RBMS3: variants seen among roughly 807,000 people sequenced by gnomAD.
RBMS3 encodes RNA-binding motif, single-stranded-interacting protein 3.
In RBMS3, 27 loss-of-function variants were observed where a neutral mutation model predicts 66.8. The ratio of observed to expected loss-of-function variants is 0.40; its 90% confidence interval spans 0.30 to 0.56. The LOEUF (loss-of-function observed/expected upper bound fraction) is 0.56. Among genes scored for constraint, RBMS3 ranks in the 20% least tolerant of loss-of-function variants. The pLI is 0.40. For synonymous variants in RBMS3, 188 were observed against 183.0 expected, an observed-to-expected ratio of 1.03 and a Z score of -0.22; for missense variants, 513 against 549.5, an observed-to-expected ratio of 0.93 and a Z score of 0.66.
intron 4 of RBMS3, among the ~76,000 whole-genome samples, chr3:29,640,081 A>G (rs565261530): frequency 7.9e-5 from 12 of 151,958 alleles, no homozygotes; most frequent in African/African-American, 2.6e-4. Context: ...ACTATATTCT[A>G]CCTACAGGTT....
intron 10 of RBMS3, among the ~76,000 whole-genome samples, chr3:29,911,685 G>T (rs1559792888): frequency 6.6e-6 from 1 of 151,988 alleles, no homozygotes; most frequent in East Asian, 1.9e-4. Context: ...AATGCGTAGT[G>T]TCTCATCATT....
At chr3:29,797,331 A>T (rs1165028820) in intron 6 of RBMS3, among the ~76,000 whole-genome samples, 1 of 152,092 alleles carries the variant, frequency 6.6e-6, no homozygotes, top group Non-Finnish European at 1.5e-5. Flanking sequence ...CTAGCTTCCA[A>T]CTTTTTTTCT....
chr3:29,570,134 C>T (rs2046896788), intron 3 of RBMS3, among the ~76,000 whole-genome samples: 2 of 151,886 alleles, frequency 1.3e-5, no homozygotes, highest in Non-Finnish European at 1.5e-5. Flanking sequence ...AATAAAATTA[C>T]ATAACTTATA....
intron 6 of RBMS3, 147 bp from the exon 7 acceptor site, chr3:29,868,711 G>A: frequency 3.0e-6 from 2 of 673,090 alleles, no homozygotes; most frequent in Admixed American, 3.2e-5. Flanking sequence ...GGCCAACAGA[G>A]CTGAGACTAA....
At chr3:29,634,927 G>A (rs2049420945) in intron 4 of RBMS3, among the ~76,000 whole-genome samples, 1 of 151,858 alleles carries the variant, frequency 6.6e-6, no homozygotes, top group Admixed American at 6.6e-5. Context: ...TCCCAGGCCT[G>A]GAGTTCCACA....
intron 3 of RBMS3, among the ~76,000 whole-genome samples, chr3:29,550,543 G>T (rs2046146598): frequency 6.6e-6 from 1 of 151,902 alleles, no homozygotes; most frequent in African/African-American, 2.4e-5. Context: ...AGCGTATAGT[G>T]TATAATATTT....
At chr3:29,302,289 G>A (rs2033728469) in intron 1 of RBMS3, among the ~76,000 whole-genome samples, 1 of 152,060 alleles carries the variant, frequency 6.6e-6, no homozygotes, top group South Asian at 2.1e-4. Context: ...TGGGATTACA[G>A]GCGTGAGCTA....
chr3:29,544,229 T>C (rs2045866407), intron 3 of RBMS3, among the ~76,000 whole-genome samples: 3 of 152,170 alleles, frequency 2.0e-5, no homozygotes, highest in African/African-American at 7.2e-5. Context: ...TAGAGTTTAA[T>C]ATCACACATG....
chr3:29,509,934 T>A (rs1358751250), intron 3 of RBMS3, among the ~76,000 whole-genome samples: 1 of 152,232 alleles, frequency 6.6e-6, no homozygotes, highest in East Asian at 1.9e-4. Flanking sequence ...AAGAATAAAA[T>A]GATGAATGGC....
intron 1 of RBMS3, among the ~76,000 whole-genome samples, chr3:29,389,626 GGT>G (rs1263898441): frequency 6.6e-6 from 1 of 152,152 alleles, no homozygotes; most frequent in African/African-American, 2.4e-5. Flanking sequence ...TGAGTTGGAT[GGT>G]GATAAATATG....
intron 1 of RBMS3, among the ~76,000 whole-genome samples, chr3:29,328,848 C>T (rs189078397): frequency 6.6e-6 from 1 of 152,216 alleles, no homozygotes; most frequent in African/African-American, 2.4e-5. Flanking sequence ...AAGCTGAGGG[C>T]AGTCTTCAAC....
chr3:29,308,342 G>C (rs1185064514), intron 1 of RBMS3, among the ~76,000 whole-genome samples: 1 of 151,804 alleles, frequency 6.6e-6, no homozygotes, highest in Non-Finnish European at 1.5e-5. Context: ...CACTCTGTTA[G>C]GTTGAAAGTG....
chr3:29,281,735 T>C lies in RBMS3; in HGVS notation c.54T>C (p.Tyr18=). The change falls in exon 1 of 15, where the codon TAT becomes TAC. Residue 18 remains tyrosine, a synonymous_variant. Coordinates refer to ENST00000383767, the MANE Select transcript of RBMS3 (RefSeq NM_001003793.3). ...PQMYPQYTYY[Y]PHYLQTKQSY... ...TGTACCCCCAGTACACTTACTACTA[T>C]CCTCATTATCTCCAAACCAAGGTAT... 1 of 1,613,202 alleles carries C rather than the reference T, an allele frequency of 6.2e-7. No homozygotes were observed. Among genetic ancestry groups the C allele is most frequent in the Non-Finnish European group, 8.5e-7 (1 of 1,179,512 alleles).
chr3:29,600,626 T>C lies in RBMS3; in HGVS notation c.399+13421T>C, dbSNP rs78071876. Among the ~76,000 whole-genome samples, 1,252 of 152,210 alleles carry C rather than the reference T, an allele frequency of 8.2e-3. 20 individuals are homozygous for C. Among genetic ancestry groups the C allele is most frequent in the African/African-American group, 0.029 (1,195 of 41,550 alleles). ...ACACAGATCACACTCAGTTGTAGCA[T>C]GAGTTGTAAATGGTAAAAATTTGAG... On this transcript the variant is annotated intron_variant, in intron 4 of 14. Transcript: ENST00000383767.
intron 5 of RBMS3, among the ~76,000 whole-genome samples, chr3:29,756,828 A>G (rs918042387): frequency 2.1e-4 from 32 of 152,260 alleles, no homozygotes; most frequent in African/African-American, 7.5e-4. Flanking sequence ...ACTCAAATGA[A>G]AGAAATGCAT....
intron 12 of RBMS3, among the ~76,000 whole-genome samples, chr3:29,961,569 A>T (rs757367329): frequency 1.4e-4 from 22 of 152,136 alleles, no homozygotes; most frequent in Non-Finnish European, 2.4e-4. Flanking sequence ...AAAAAGGTTT[A>T]ATTCACTCAC....
At chr3:29,473,544 G>A (rs78330725) in intron 2 of RBMS3, among the ~76,000 whole-genome samples, 5,712 of 152,318 alleles carry the variant, frequency 0.038, 252 homozygotes, top group East Asian at 0.24. Context: ...ACTGGGCGCC[G>A]TGGAACCAGG....
At chr3:29,871,036 C>T (rs1041110224) in intron 7 of RBMS3, among the ~76,000 whole-genome samples, 1 of 152,102 alleles carries the variant, frequency 6.6e-6, no homozygotes, top group South Asian at 2.1e-4. Context: ...CCATTTCCCC[C>T]TTGCATTTTA....
intron 5 of RBMS3, among the ~76,000 whole-genome samples, chr3:29,760,148 G>A (rs2055608326): frequency 6.6e-6 from 1 of 151,910 alleles, no homozygotes; most frequent in South Asian, 2.1e-4. Context: ...AGGACTTGAG[G>A]CTTTCAAACA....
Sources: allele counts gnomAD v4.1 joint callset (sites outside exome capture counted in the v4.1 genomes callset), GRCh38; gene constraint gnomAD v4.1.1; transcripts MANE v1.5; gene names NCBI Gene and HGNC (gene_info 2026-07-23, HGNC 2026-07-21).